Variants in FBXL17 observed in about 807,000 individuals in gnomAD.
FBXL17 encodes F-box and leucine rich repeat protein 17, also known as F-box/LRR-repeat protein 17.
In FBXL17, 22 loss-of-function variants were observed where a neutral mutation model predicts 66.2. The observed-to-expected ratio is 0.33, with a 90% CI of 0.24 to 0.47. The LOEUF is 0.47. Among genes scored for constraint, FBXL17 ranks in the 20% least tolerant of loss-of-function variants. FBXL17 has a pLI of 1.00. For missense variants in FBXL17, 878 were observed against 948.2 expected (o/e 0.93, Z 0.97); for synonymous variants, 474 against 400.5 (o/e 1.18, Z -2.19).
At chr5:107,870,793 A>G (rs540503820) in intron 8 of FBXL17, among the ~76,000 whole-genome samples, 1 of 151,634 alleles carries the variant, frequency 6.6e-6, no homozygotes, top group South Asian at 2.1e-4. Context: ...CACTGTATTA[A>G]CCAGGATGGT....
At chr5:108,347,183 T>C (rs1023740322) in intron 4 of FBXL17, among the ~76,000 whole-genome samples, 3 of 152,142 alleles carry the variant, frequency 2.0e-5, no homozygotes, top group African/African-American at 7.2e-5. Context: ...CTGGGCCATA[T>C]GGTATAGCTT....
intron 4 of FBXL17, among the ~76,000 whole-genome samples, chr5:108,255,293 T>C (rs561710157): frequency 1.3e-5 from 2 of 152,052 alleles, no homozygotes; most frequent in South Asian, 2.1e-4. Flanking sequence ...AATATATACA[T>C]ACACCGTAAC....
At chr5:107,935,102 G>A (rs906470297) in intron 7 of FBXL17, among the ~76,000 whole-genome samples, 3 of 151,866 alleles carry the variant, frequency 2.0e-5, no homozygotes, top group Non-Finnish European at 4.4e-5. Context: ...ATAAGATATT[G>A]TTTAAATAAG....
At chr5:107,928,489 G>A (rs755693273) in intron 7 of FBXL17, among the ~76,000 whole-genome samples, 3 of 151,780 alleles carry the variant, frequency 2.0e-5, no homozygotes, top group Non-Finnish European at 4.4e-5. Flanking sequence ...TTTGAAAGAG[G>A]CTGTATTGTA....
chr5:108,068,734 G>A (rs1350733738), intron 6 of FBXL17, among the ~76,000 whole-genome samples: 1 of 152,140 alleles, frequency 6.6e-6, no homozygotes, highest in African/African-American at 2.4e-5. Context: ...TGGGATTACA[G>A]GCGTGAGCCA....
intron 4 of FBXL17, among the ~76,000 whole-genome samples, chr5:108,253,719 G>A (rs1319991877): frequency 6.6e-6 from 1 of 152,178 alleles, no homozygotes; most frequent in African/African-American, 2.4e-5. Context: ...TGGGCTGGGT[G>A]CAGTAGCCTA....
chr5:107,962,230 TTA>T (rs1751941432), intron 7 of FBXL17, among the ~76,000 whole-genome samples: 1 of 152,198 alleles, frequency 6.6e-6, no homozygotes, highest in Non-Finnish European at 1.5e-5. Flanking sequence ...CTGGTAAACT[TTA>T]TGTTACGTAT....
At chr5:108,299,631 CA>C (rs1389303239) in intron 4 of FBXL17, 1 of 965,674 alleles carries the variant, frequency 1.0e-6, no homozygotes, top group Non-Finnish European at 1.2e-6. Context: ...CTTCAAAATG[CA>C]AAAAATAATA....
At chr5:107,958,972 G>T (rs1444839257) in intron 7 of FBXL17, among the ~76,000 whole-genome samples, 2 of 152,188 alleles carry the variant, frequency 1.3e-5, no homozygotes, top group Non-Finnish European at 2.9e-5. Flanking sequence ...TCAAGGTTCT[G>T]TGGAAACTAG....
chr5:107,999,765 T>C (rs1200675532), intron 7 of FBXL17, among the ~76,000 whole-genome samples: 3 of 152,180 alleles, frequency 2.0e-5, no homozygotes, highest in Admixed American at 6.5e-5. Context: ...TTACACATAA[T>C]GAATACTCAA....
chr5:108,106,303 C>T (rs985529626), intron 6 of FBXL17, among the ~76,000 whole-genome samples: 2 of 152,210 alleles, frequency 1.3e-5, no homozygotes, highest in Non-Finnish European at 2.9e-5. Context: ...GACTCTTAAA[C>T]TCTGCTAGCA....
At chr5:108,064,807 T>G (rs534376559) in intron 6 of FBXL17, among the ~76,000 whole-genome samples, 2 of 152,304 alleles carry the variant, frequency 1.3e-5, no homozygotes, top group African/African-American at 4.8e-5. Flanking sequence ...GTTCCTAGGC[T>G]AAACAGTTAG....
At chr5:108,278,109 C>T (rs557195644) in intron 4 of FBXL17, among the ~76,000 whole-genome samples, 2 of 152,102 alleles carry the variant, frequency 1.3e-5, no homozygotes, top group African/African-American at 4.8e-5. Flanking sequence ...GGAGTTATCC[C>T]CAGTATGGGA....
chr5:107,905,359 C>T (rs958164781), intron 7 of FBXL17, among the ~76,000 whole-genome samples: 1 of 152,072 alleles, frequency 6.6e-6, no homozygotes, highest in Non-Finnish European at 1.5e-5. Flanking sequence ...GAGCTTATCC[C>T]AAACTCAAGA....
At chr5:108,291,334 A>C (rs1758105442) in intron 4 of FBXL17, among the ~76,000 whole-genome samples, 1 of 152,314 alleles carries the variant, frequency 6.6e-6, no homozygotes, top group Middle Eastern at 3.4e-3. Context: ...GCATCCTCTA[A>C]GTTTGTAAGT....
intron 7 of FBXL17, among the ~76,000 whole-genome samples, chr5:107,952,583 G>A (rs1377644375): frequency 6.6e-6 from 1 of 152,162 alleles, no homozygotes; most frequent in African/African-American, 2.4e-5. Flanking sequence ...AAATGTGATT[G>A]TCTTATTTTA....
rs1016787271 is a variant in FBXL17, at chr5:108,295,560, C to A, written c.1506+52839G>T. Among the ~76,000 whole-genome samples, 107 of 152,052 alleles carry A rather than the reference C, an allele frequency of 7.0e-4. 1 individual carries two copies. The highest frequency in any genetic ancestry group is 2.5e-3 in the African/African-American group (103 of 41,532). On this transcript the variant is annotated intron_variant, in intron 4 of 8. Coordinates refer to ENST00000542267, the MANE Select transcript of FBXL17 (RefSeq NM_001163315.3). ...ATATTATTATACAGACTCCTGCCTG[C>A]CAAGCACTATCCTTAAGACTTGAAA...
At chr5:108,297,341 T>G (rs970769940) in intron 4 of FBXL17, among the ~76,000 whole-genome samples, 1 of 151,710 alleles carries the variant, frequency 6.6e-6, no homozygotes, top group Non-Finnish European at 1.5e-5. Context: ...GTGACAAAAT[T>G]ATGTAATATA....
intron 5 of FBXL17, among the ~76,000 whole-genome samples, chr5:108,212,436 T>C (rs1754416255): frequency 6.6e-6 from 1 of 152,192 alleles, no homozygotes; most frequent in South Asian, 2.1e-4. Context: ...ATTTTCAGCC[T>C]TTTTGTGCTG....
Sources: gnomAD v4.1 joint callset for allele counts (sites outside exome capture counted in the v4.1 genomes callset) on GRCh38, gnomAD v4.1.1 for gene constraint, MANE v1.5 for transcripts, NCBI Gene and HGNC (gene_info 2026-07-23, HGNC 2026-07-21) for gene names.